ADGRE1: variants seen among roughly 807,000 people sequenced by gnomAD.
The protein encoded by ADGRE1 is EGF-like module receptor 1.
A neutral mutation model predicts 102.7 loss-of-function variants in ADGRE1; 82 were observed. The ratio of observed to expected loss-of-function variants is 0.80; its 90% CI spans 0.67 to 0.96. ADGRE1 has a LOEUF of 0.96. Ranked by LOEUF, ADGRE1 falls within the 40% of genes least tolerant of loss-of-function variation. The probability of loss-of-function intolerance (pLI) is 0.00; values close to 1 mark genes in which losing one functional copy is unlikely to be tolerated. For missense variants in ADGRE1, 1,032 were observed against 1,085.3 expected (o/e 0.95, Z 0.69); for synonymous variants, 398 against 399.6 (o/e 1.00, Z 0.05).
intron 7 of ADGRE1, 24 bp downstream of exon 7, chr19:6,903,974 A>G: frequency 6.2e-7 from 1 of 1,614,108 alleles, no homozygotes; most frequent in Non-Finnish European, 8.5e-7. Flanking sequence ...TTGATGGACA[A>G]TCCAGAAAAG....
intron 6 of ADGRE1, 151 bp downstream of exon 6, chr19:6,902,172 T>A (rs776648057): frequency 1.7e-5 from 18 of 1,068,130 alleles, no homozygotes; most frequent in Non-Finnish European, 2.5e-5. Flanking sequence ...GAAATACCTC[T>A]TGAGCACTTA....
chr19:6,887,729 A>G, intron 1 of ADGRE1, 90 bp downstream of exon 1: 2 of 1,375,510 alleles, frequency 1.5e-6, no homozygotes, highest in Non-Finnish European at 2.0e-6. Flanking sequence ...GGTCCAGCCA[A>G]GAGATCATAA....
Position 6,916,155 on chromosome 19 carries a change from G to A in ADGRE1, c.1301-94G>A, listed in dbSNP as rs566466099. The A allele has an allele frequency of 1.2e-4, 163 of 1,397,544 alleles. No individual in the cohort carries two copies. The African/African-American group carries it at 1.3e-3, about 11-fold the overall frequency. 86.6% of individuals were successfully genotyped at this position (1,397,544 alleles called of 1,614,324 possible). The stretch of plus-strand genomic sequence containing the variant: ...AACTTTCTATTCTTTTCCTTTGCTC[G>A]CCATGATGGAGGTGTACCTTTTTTT... On this transcript the variant is annotated intron_variant, in intron 11 of 20. Coordinates refer to ENST00000312053, the MANE Select transcript of ADGRE1 (RefSeq NM_001974.5).
intron 2 of ADGRE1, among the ~76,000 whole-genome samples, chr19:6,892,619 T>C (rs1044569528): frequency 1.3e-5 from 2 of 152,202 alleles, no homozygotes; most frequent in African/African-American, 4.8e-5. Context: ...GTTGTGTCCC[T>C]ACTCTGCTCG....
intron 11 of ADGRE1, among the ~76,000 whole-genome samples, chr19:6,915,938 A>AAC (rs1467167164): frequency 6.6e-6 from 1 of 151,294 alleles, no homozygotes; most frequent in African/African-American, 2.4e-5. Flanking sequence ...AAAAAAAAAA[A>AAC]AAAAAAAACT....
At chr19:6,900,681 T>C (rs1043571735) in intron 5 of ADGRE1, among the ~76,000 whole-genome samples, 2 of 152,104 alleles carry the variant, frequency 1.3e-5, no homozygotes, top group African/African-American at 4.8e-5. Flanking sequence ...GTCTAGTGCA[T>C]TGTTATTCTC....
At chr19:6,938,472 G>A (rs914961229) in intron 20 of ADGRE1, among the ~76,000 whole-genome samples, 37 of 150,490 alleles carry the variant, frequency 2.5e-4, no homozygotes, top group Non-Finnish European at 4.3e-4. Flanking sequence ...GCAAATGGAG[G>A]CAAAGCTGGT....
intron 1 of ADGRE1, among the ~76,000 whole-genome samples, chr19:6,889,380 G>A (rs895339856): frequency 6.6e-6 from 1 of 151,994 alleles, no homozygotes; most frequent in African/African-American, 2.4e-5. Context: ...ATGCTGCAGG[G>A]CTGCATTGCC....
chr19:6,934,409 TC>T (rs1299573442), intron 17 of ADGRE1, among the ~76,000 whole-genome samples: 1 of 142,748 alleles, frequency 7.0e-6, no homozygotes, highest in East Asian at 1.9e-4. Flanking sequence ...TCAGAATTCT[TC>T]TTCTTCTTCT....
At position 6,909,935 on chromosome 19, in the gene ADGRE1, T is replaced by C. The variant is rs543856506; in HGVS notation, c.1122+1163T>C. Among the ~76,000 whole-genome samples, 39 of 152,220 alleles carry C rather than the reference T, an allele frequency of 2.6e-4. No individual in the cohort carries two copies. The South Asian group carries it at 6.0e-3, about 23-fold the overall frequency. ...TTTTAGTAGAGACGAGGTTTCTCCA[T>C]GTTGATCAGGCTGGTCTCAAACTCC... On this transcript the variant is annotated intron_variant, in intron 10 of 20. Coordinates refer to ENST00000312053, the MANE Select transcript of ADGRE1 (RefSeq NM_001974.5).
In ADGRE1 at chr19:6,901,890, C is replaced by T. The variant is rs1195728144; in HGVS notation, c.530C>T (p.Ala177Val). 5 of 1,614,020 alleles carry T rather than the reference C, an allele frequency of 3.1e-6. No individual in the cohort carries two copies. In the African/African-American group the frequency reaches 4.0e-5, roughly 13 times the overall value. Residue 177 changes from alanine (A) to valine (V), a missense_variant, in exon 6 of 21, where the codon GCA becomes GTA. Transcript: ENST00000312053. ...CACTCTTCAGACGTGGATGAATGTGCAGATCCAAGAGCTTGCCCAGAGCAT... is the reference window on the plus strand; with the variant it reads ...CACTCTTCAGACGTGGATGAATGTGTAGATCCAAGAGCTTGCCCAGAGCAT... ...NSTCEDVDEC[A>V]DPRACPEHAT...
At chr19:6,937,161 C>A (rs12981770) in intron 18 of ADGRE1, 82 bp from the exon 19 acceptor site, 268,739 of 1,513,726 alleles carry the variant, frequency 0.18, 25,557 homozygotes, top group Non-Finnish European at 0.19. Flanking sequence ...AGAGTGGCCA[C>A]CTCAGACCAT....
chr19:6,927,826 C>A (rs925920172), intron 16 of ADGRE1, among the ~76,000 whole-genome samples: 1 of 151,916 alleles, frequency 6.6e-6, no homozygotes, highest in Non-Finnish European at 1.5e-5. Context: ...CACGCCCGGC[C>A]TGAGCTGAGA....
chr19:6,896,627 C>A (rs1973560834), intron 3 of ADGRE1, 86 bp downstream of exon 3: 10 of 1,458,936 alleles, frequency 6.9e-6, no homozygotes, highest in South Asian at 6.5e-5. Context: ...GGTACTCCCC[C>A]ACCCCCCATT....
At chr19:6,895,919 T>G (rs1187858773) in intron 2 of ADGRE1, 1 of 152,710 alleles carries the variant, frequency 6.5e-6, no homozygotes, top group Non-Finnish European at 1.5e-5. Flanking sequence ...TGACAGAAAT[T>G]TATTCTCTTC....
At chr19:6,906,192 A>G (rs932063386) in intron 8 of ADGRE1, among the ~76,000 whole-genome samples, 2 of 152,200 alleles carry the variant, frequency 1.3e-5, no homozygotes, top group Non-Finnish European at 2.9e-5. Flanking sequence ...AATCATATGC[A>G]TGATTGCCTC....
rs1285829519 is a variant in ADGRE1 at position 6,903,895 on chromosome 19, C to T, written c.747C>T (p.Gly249=). 1.2e-6 allele frequency: 2 copies of T among 1,614,186 alleles called. No homozygotes were observed. Among genetic ancestry groups the T allele is most frequent in the Non-Finnish European group, 8.5e-7 (1 of 1,180,040 alleles). Reference sequence around the variant, plus strand: ...GCTACTTTTGCACCTGCCACCCTGGCTTTGCACCAAGCAATGGACAGTTGA... The same window carrying T: ...GCTACTTTTGCACCTGCCACCCTGGTTTTGCACCAAGCAATGGACAGTTGA... ...PGSYFCTCHP[G]FAPSNGQLNF... is the part of the protein sequence containing the mutation. The change falls in exon 7 of 21, where the codon GGC becomes GGT. Residue 249 remains glycine (G), a synonymous_variant. Transcript: ENST00000312053.
intron 14 of ADGRE1, among the ~76,000 whole-genome samples, chr19:6,923,132 C>A (rs948039439): frequency 6.6e-6 from 1 of 152,148 alleles, no homozygotes; most frequent in African/African-American, 2.4e-5. Context: ...TAATTCCCTA[C>A]CAGAGAGGCC....
chr19:6,923,978 TAGAAGAAGGA>T (rs1974779423), intron 14 of ADGRE1, among the ~76,000 whole-genome samples: 1 of 151,548 alleles, frequency 6.6e-6, no homozygotes, highest in South Asian at 2.1e-4. Context: ...ATAAATGGCA[TAGAAGAAGGA>T]CTTAGCTTGT....
Sources: gnomAD v4.1 joint callset for allele counts (sites outside exome capture counted in the v4.1 genomes callset) on GRCh38, gnomAD v4.1.1 for gene constraint, MANE v1.5 for transcripts, NCBI Gene and HGNC (gene_info 2026-07-23, HGNC 2026-07-21) for gene names.